Variants in TAMM41 observed in about 807,000 individuals in gnomAD.
The protein encoded by TAMM41 is TAM41 mitochondrial translocator assembly and maintenance homolog.
Under a neutral mutation model 44.1 loss-of-function variants are expected in TAMM41, and 36 were observed. The ratio of observed to expected loss-of-function variants is 0.82; its 90% CI spans 0.63 to 1.08. The LOEUF (loss-of-function observed/expected upper bound fraction) is 1.08. Among genes scored for constraint, TAMM41 ranks in the 50% least tolerant of loss-of-function variants. TAMM41 has a pLI of 0.00. For synonymous variants in TAMM41, 164 were observed against 153.1 expected (o/e 1.07, Z -0.53); for missense variants, 417 against 404.3 (o/e 1.03, Z -0.27).
chr3:11,762,720 A>ACT, the TAMM41 span, among the ~76,000 whole-genome samples: 277 of 151,958 alleles, frequency 1.8e-3, 1 homozygote, highest in South Asian at 1.5e-3. Context: ...TGGCCAAAGA[A>ACT]CTCTCTCTCT....
chr3:11,741,248 C>T, the TAMM41 span, among the ~76,000 whole-genome samples: 1 of 129,070 alleles, frequency 7.7e-6, no homozygotes, highest in South Asian at 2.6e-4. Context: ...AATCAGGGCT[C>T]TGGCACTGGT....
chr3:11,795,730 C>G lies in TAMM41; in HGVS notation c.938-5149G>C, dbSNP rs74760482. ...ATTTCTCATCTACCTATTCCCACAC[C>G]AGAGTACTCAGACAGTTCCCCTTCT... is the stretch of plus-strand genomic sequence containing the variant. On this transcript the variant is annotated intron_variant, in intron 7 of 7. Coordinates refer to ENST00000455809, the MANE Select transcript of TAMM41 (RefSeq NM_001284401.2). Among the ~76,000 whole-genome samples, 539 of 152,266 alleles carry G rather than the reference C, an allele frequency of 3.5e-3. 3 individuals are homozygous for G. The highest frequency in any genetic ancestry group is 0.013 in the African/African-American group (522 of 41,534).
chr3:11,770,507 G>C, the TAMM41 span, among the ~76,000 whole-genome samples: 2 of 152,220 alleles, frequency 1.3e-5, no homozygotes, highest in Non-Finnish European at 2.9e-5. Flanking sequence ...CTTTCAAAAA[G>C]CCATTTAAAA....
chr3:11,793,315 G>C (rs1322268761), intron 7 of TAMM41, among the ~76,000 whole-genome samples: 1 of 152,090 alleles, frequency 6.6e-6, no homozygotes, highest in East Asian at 1.9e-4. Context: ...GATCAATATG[G>C]TACCACTAGT....
chr3:11,841,644 A>G (rs1240485175), intron 2 of TAMM41, among the ~76,000 whole-genome samples: 2 of 152,218 alleles, frequency 1.3e-5, no homozygotes, highest in African/African-American at 4.8e-5. Context: ...TAGGTTTGGC[A>G]TAATATTAAC....
chr3:11,760,188 T>C, the TAMM41 span, among the ~76,000 whole-genome samples: 14 of 152,340 alleles, frequency 9.2e-5, no homozygotes, highest in African/African-American at 2.9e-4. Flanking sequence ...ATGCAAGCAA[T>C]TGCCTATGCT....
At chr3:11,722,787 G>A in the TAMM41 span, among the ~76,000 whole-genome samples, 2 of 152,082 alleles carry the variant, frequency 1.3e-5, no homozygotes, top group East Asian at 1.9e-4. Context: ...TGGCCAACAT[G>A]GTGAAACCCC....
At chr3:11,727,848 G>A in the TAMM41 span, among the ~76,000 whole-genome samples, 4,552 of 148,752 alleles carry the variant, frequency 0.031, 207 homozygotes, top group African/African-American at 0.11. Flanking sequence ...GTGCAATGGC[G>A]CGATCTCGGC....
intron 4 of TAMM41, among the ~76,000 whole-genome samples, chr3:11,823,857 T>C (rs2078632019): frequency 6.9e-6 from 1 of 145,042 alleles, no homozygotes; most frequent in Admixed American, 6.8e-5. Context: ...GACAGAGTCT[T>C]ACTCGGTCGC....
chr3:11,771,879 G>A, the TAMM41 span, among the ~76,000 whole-genome samples: 7 of 151,740 alleles, frequency 4.6e-5, no homozygotes, highest in Non-Finnish European at 8.8e-5. Context: ...CACCACGCCC[G>A]GCCTGTTTAT....
the TAMM41 span, among the ~76,000 whole-genome samples, chr3:11,748,910 G>GT: frequency 0.035 from 2,742 of 77,338 alleles, 108 homozygotes; most frequent in African/African-American, 0.13. Flanking sequence ...CTGGGAAGTA[G>GT]ATTTTTTTTT....
chr3:11,753,965 G>A, the TAMM41 span, among the ~76,000 whole-genome samples: 4 of 152,250 alleles, frequency 2.6e-5, no homozygotes, highest in Admixed American at 1.3e-4. Flanking sequence ...CATTCTCAGT[G>A]CAAGGGGCGG....
chr3:11,722,348 G>A, the TAMM41 span, among the ~76,000 whole-genome samples: 2 of 150,430 alleles, frequency 1.3e-5, no homozygotes, highest in Admixed American at 6.5e-5. Flanking sequence ...GTGCAAAGGA[G>A]AGACACACTC....
chr3:11,746,192 G>A, the TAMM41 span, among the ~76,000 whole-genome samples: 2 of 151,640 alleles, frequency 1.3e-5, no homozygotes, highest in Admixed American at 6.6e-5. Flanking sequence ...TCCCAGCTAC[G>A]CTGAAGGCTG....
the TAMM41 span, among the ~76,000 whole-genome samples, chr3:11,752,625 C>CTTTTTTTTTTTTTTT: frequency 2.7e-3 from 106 of 39,950 alleles, 25 homozygotes; most frequent in African/African-American, 5.1e-3. Context: ...TCTTACAAAG[C>CTTTTTTTTTTTTTTT]TTTTTTTTTT....
intron 7 of TAMM41, among the ~76,000 whole-genome samples, chr3:11,800,233 A>G (rs1335331757): frequency 6.6e-6 from 1 of 152,174 alleles, no homozygotes; most frequent in Non-Finnish European, 1.5e-5. Context: ...CACAAGGACA[A>G]AAAGAGAAAA....
chr3:11,731,710 C>G, the TAMM41 span, among the ~76,000 whole-genome samples: 2 of 152,078 alleles, frequency 1.3e-5, no homozygotes, highest in Non-Finnish European at 2.9e-5. Context: ...CAAGCTGATG[C>G]CCCATGGCAG....
At chr3:11,724,012 G>A in the TAMM41 span, among the ~76,000 whole-genome samples, 3 of 151,992 alleles carry the variant, frequency 2.0e-5, no homozygotes, top group East Asian at 5.8e-4. Flanking sequence ...GGGGGGGGGT[G>A]ACACTACTCT....
the TAMM41 span, among the ~76,000 whole-genome samples, chr3:11,729,347 A>C: frequency 6.6e-6 from 1 of 151,922 alleles, no homozygotes; most frequent in Admixed American, 6.6e-5. Flanking sequence ...TGCTGGATTC[A>C]AGGCCAGTCA....
Sources: allele counts gnomAD v4.1 joint callset (sites outside exome capture counted in the v4.1 genomes callset), GRCh38; gene constraint gnomAD v4.1.1; transcripts MANE v1.5; gene names NCBI Gene and HGNC (gene_info 2026-07-23, HGNC 2026-07-21).